The following SBF2 variants were observed in gnomAD, a reference collection of about 807,000 sequenced individuals.
SBF2 encodes myotubularin-related protein 13.
In SBF2, 112 loss-of-function variants were observed where a neutral mutation model predicts 225.2. The ratio of observed to expected loss-of-function variants is 0.50; its 90% CI spans 0.43 to 0.58. The LOEUF is 0.58. Among genes scored for constraint, SBF2 ranks in the 20% least tolerant of loss-of-function variants. SBF2 has a pLI of 0.00. For synonymous variants in SBF2, 763 were observed against 773.3 expected (o/e 0.99, Z 0.22); for missense variants, 1,996 against 2,206.2 (o/e 0.90, Z 1.91).
intron 1 of SBF2, among the ~76,000 whole-genome samples, chr11:10,238,230 GA>G (rs2135453964): frequency 6.6e-6 from 1 of 152,178 alleles, no homozygotes; most frequent in East Asian, 1.9e-4. Context: ...GCAACATGGT[GA>G]AACCCTATCT....
At chr11:9,863,445 G>A (rs1326677068) in intron 17 of SBF2, among the ~76,000 whole-genome samples, 1 of 152,166 alleles carries the variant, frequency 6.6e-6, no homozygotes, top group Admixed American at 6.5e-5. Flanking sequence ...ATAATAGAGA[G>A]ATTCATTGTC....
intron 2 of SBF2, among the ~76,000 whole-genome samples, chr11:10,180,942 T>C (rs1956712803): frequency 6.6e-6 from 1 of 152,140 alleles, no homozygotes; most frequent in Admixed American, 6.5e-5. Context: ...ATCAAAGCTA[T>C]TCCTAATTTC....
intron 1 of SBF2, among the ~76,000 whole-genome samples, chr11:10,241,936 T>C (rs1959242203): frequency 6.6e-6 from 1 of 152,032 alleles, no homozygotes; most frequent in South Asian, 2.1e-4. Flanking sequence ...CCACAAATCC[T>C]AGCACCAGGC....
chr11:9,870,162 T>G (rs886959755), intron 17 of SBF2, among the ~76,000 whole-genome samples: 33 of 152,218 alleles, frequency 2.2e-4, no homozygotes, highest in African/African-American at 7.5e-4. Context: ...GTGAAGCACC[T>G]CTTCAAAGAG....
intron 6 of SBF2, among the ~76,000 whole-genome samples, chr11:10,025,016 T>A (rs185279502): frequency 1.7e-4 from 26 of 152,350 alleles, no homozygotes; most frequent in African/African-American, 6.3e-4. Flanking sequence ...AATAACTGCA[T>A]CTGATAACTC....
At chr11:9,978,632 ATTGTTTTTGTTTGT>A (rs150947958) in intron 13 of SBF2, among the ~76,000 whole-genome samples, 32,561 of 151,820 alleles carry the variant, frequency 0.21, 3,622 homozygotes, top group East Asian at 0.28. Context: ...TGTTTGTTTG[ATTGTTTTTGTTTGT>A]TTGTTTTTGT....
chr11:10,004,588 AAAAAAAAC>A (rs1948111231), intron 6 of SBF2, among the ~76,000 whole-genome samples: 1 of 148,676 alleles, frequency 6.7e-6, no homozygotes, highest in African/African-American at 2.4e-5. Context: ...AAAAAAAAAA[AAAAAAAAC>A]AAACTACATA....
intron 16 of SBF2, among the ~76,000 whole-genome samples, chr11:9,897,068 T>G (rs1861325528): frequency 6.6e-6 from 1 of 152,196 alleles, no homozygotes; most frequent in Non-Finnish European, 1.5e-5. Context: ...TGTATACTCA[T>G]GTTCACAGAA....
At chr11:10,245,340 G>T (rs1959676232) in intron 1 of SBF2, among the ~76,000 whole-genome samples, 1 of 151,522 alleles carries the variant, frequency 6.6e-6, no homozygotes, top group African/African-American at 2.4e-5. Context: ...GATTCCAGGA[G>T]TTCCAGACTA....
In SBF2 at chr11:10,018,373, G is replaced by GA. The variant is rs1355196695; in HGVS notation, c.619+10078dup. On this transcript the variant is annotated intron_variant, in intron 6 of 39. Transcript: ENST00000256190. ...ATGTATCAAATGTTACAGAGCACAG[G>GA]AAAAAAAAAGGTACTTCATCCTGCC... 1.6e-4 allele frequency among the ~76,000 whole-genome samples: 24 copies of GA among 149,982 alleles called. No individual in the cohort carries two copies. In the East Asian group the frequency reaches 3.3e-3, roughly 21 times the overall value.
chr11:9,780,622 C>G (rs1483991984), intron 39 of SBF2, 106 bp from the exon 40 acceptor site: 2 of 866,824 alleles, frequency 2.3e-6, no homozygotes, highest in African/African-American at 3.3e-5. Context: ...CATACTGCCC[C>G]AGAACGTCTG....
At chr11:10,203,616 G>T (rs991651021) in intron 1 of SBF2, among the ~76,000 whole-genome samples, 3 of 150,954 alleles carry the variant, frequency 2.0e-5, no homozygotes, top group South Asian at 4.2e-4. Context: ...GAAAAGTATG[G>T]GCCACAAGGA....
intron 21 of SBF2, among the ~76,000 whole-genome samples, 194 bp from the exon 22 acceptor site, chr11:9,850,412 T>C (rs367843627): frequency 2.6e-5 from 4 of 152,286 alleles, no homozygotes; most frequent in African/African-American, 7.2e-5. Flanking sequence ...TGCACCACTA[T>C]GCCTGGCTTA....
intron 2 of SBF2, among the ~76,000 whole-genome samples, chr11:10,068,223 G>A (rs1950707942): frequency 6.6e-6 from 1 of 152,150 alleles, no homozygotes; most frequent in Admixed American, 6.5e-5. Flanking sequence ...AGTATTAAGT[G>A]CTTCCTTAAG....
At chr11:9,921,461 C>T (rs1339837080) in intron 16 of SBF2, among the ~76,000 whole-genome samples, 1 of 152,192 alleles carries the variant, frequency 6.6e-6, no homozygotes, top group Non-Finnish European at 1.5e-5. Flanking sequence ...TGTGTTTTAA[C>T]ATGCTGTCTA....
chr11:9,885,323 A>C (rs2134099148), intron 17 of SBF2, among the ~76,000 whole-genome samples: 1 of 150,202 alleles, frequency 6.7e-6, no homozygotes, highest in East Asian at 2.0e-4. Flanking sequence ...CCCATTATTG[A>C]ACATGATGTC....
At chr11:10,177,448 G>T (rs1286035453) in intron 2 of SBF2, among the ~76,000 whole-genome samples, 2 of 150,458 alleles carry the variant, frequency 1.3e-5, no homozygotes, top group African/African-American at 2.5e-5. Context: ...AAACCCCATT[G>T]TCTCAGTCCA....
chr11:9,780,289 G>A lies in SBF2; in HGVS notation c.*129C>T, dbSNP rs984674905. 6.4e-6 allele frequency: 5 copies of A among 785,698 alleles called. No homozygotes were observed. In the African/African-American group the frequency reaches 8.5e-5, roughly 13 times the overall value. The allele number at this position is 785,698 out of a possible 1,614,324, so 48.7% of individuals were successfully genotyped here. On this transcript the variant is annotated 3_prime_UTR_variant, in exon 40 of 40. Transcript: ENST00000256190. The stretch of plus-strand genomic sequence containing the variant: ...GTAGATATAGCAACCCCTGCAAGAG[G>A]GGACTGGGCAGGAGAACCTCAGGCC...
intron 1 of SBF2, among the ~76,000 whole-genome samples, chr11:10,196,895 C>T (rs1430010759): frequency 8.1e-6 from 1 of 123,296 alleles, no homozygotes; most frequent in Non-Finnish European, 1.7e-5. Flanking sequence ...ATGAATACCA[C>T]ACTGAACCTA....
Sources: allele counts gnomAD v4.1 joint callset (sites outside exome capture counted in the v4.1 genomes callset), GRCh38; gene constraint gnomAD v4.1.1; transcripts MANE v1.5; gene names NCBI Gene and HGNC (gene_info 2026-07-23, HGNC 2026-07-21).